Variants in ETNK1 observed in about 807,000 individuals in gnomAD.
ETNK1 encodes ethanolamine kinase 1, also known as putative protein product of Nbla10396.
In ETNK1, 8 loss-of-function variants were observed where a neutral mutation model predicts 45.1. The ratio of observed to expected loss-of-function variants is 0.18; its 90% CI spans 0.10 to 0.32. The LOEUF (loss-of-function observed/expected upper bound fraction) is 0.32. Among genes scored for constraint, ETNK1 ranks in the 10% least tolerant of loss-of-function variants. The probability of loss-of-function intolerance (pLI) is 1.00; values close to 1 mark genes in which losing one functional copy is unlikely to be tolerated. For synonymous variants in ETNK1, 152 were observed against 151.9 expected (o/e 1.00, Z -0.01); for missense variants, 302 against 430.6 (o/e 0.70, Z 2.64).
At chr12:22,630,831 G>C (rs1214643965) in intron 1 of ETNK1, among the ~76,000 whole-genome samples, 1 of 151,790 alleles carries the variant, frequency 6.6e-6, no homozygotes, top group Non-Finnish European at 1.5e-5. Flanking sequence ...GGCTGGTCTC[G>C]AATGCCTGAC....
rs1475651086 is a variant in ETNK1 at position 22,686,354 on chromosome 12, G to A, written c.*1400G>A. On this transcript the variant is annotated 3_prime_UTR_variant, in exon 8 of 8. Transcript: ENST00000266517. ...ATTAGTCTGACAAGCTTTGCACTTCGGTCACATAAGTGCCCATGTACAAAG... is the reference window on the plus strand; with the variant it reads ...ATTAGTCTGACAAGCTTTGCACTTCAGTCACATAAGTGCCCATGTACAAAG... The A allele has an allele frequency of 1.3e-5, 2 of 152,164 alleles. No individual in the cohort carries two copies. Among genetic ancestry groups the A allele is most frequent in the African/African-American group, 2.4e-5 (1 of 41,396 alleles). 9.4% of individuals were successfully genotyped at this position (152,164 alleles called of 1,614,324 possible).
At chr12:22,644,044 T>C in intron 2 of ETNK1, 22 bp downstream of exon 2, 11 of 1,444,634 alleles carry the variant, frequency 7.6e-6, no homozygotes, top group Non-Finnish European at 1.0e-5. Flanking sequence ...TTTCTGAATT[T>C]TTCCTTTTGA....
At chr12:22,632,702 T>A (rs1269405440) in intron 1 of ETNK1, among the ~76,000 whole-genome samples, 2 of 152,088 alleles carry the variant, frequency 1.3e-5, no homozygotes, top group Non-Finnish European at 2.9e-5. Flanking sequence ...GTGGTCTTGC[T>A]GTGTTACCAG....
At position 22,643,926 on chromosome 12, in the gene ETNK1, C is replaced by T. The variant is rs1278390579; in HGVS notation, c.320C>T (p.Pro107Leu). Residue 107 changes from proline to leucine, a missense_variant, in exon 2 of 8, where the codon CCA (proline) becomes CTA (leucine). Coordinates refer to ENST00000266517, the MANE Select transcript of ETNK1 (RefSeq NM_018638.5). ...FRVLQAHGCA[P>L]QLYCTFNNGL... ...GTGTTGCAGGCTCATGGGTGTGCAC[C>T]ACAACTCTACTGTACCTTCAATAAT... is the stretch of plus-strand genomic sequence containing the variant. The T allele has an allele frequency of 1.9e-6, 3 of 1,613,338 alleles. No individual in the cohort carries two copies. Among genetic ancestry groups the T allele is most frequent in the Admixed American group, 1.7e-5 (1 of 59,968 alleles).
chr12:22,657,416 G>A lies in ETNK1; in HGVS notation c.417-1598G>A, dbSNP rs112670810. ...AAGGAGAAAGAATTTATTGGTACTT[G>A]TAATTGAGAATACTGAGTTCAAACA... On this transcript the variant is annotated intron_variant, in intron 2 of 7. Transcript: ENST00000266517. Among the ~76,000 whole-genome samples the A allele has an allele frequency of 2.6e-3, 392 of 152,210 alleles. 2 individuals are homozygous for A. Among genetic ancestry groups the A allele is most frequent in the African/African-American group, 9.1e-3 (377 of 41,556 alleles).
At chr12:22,630,785 A>AT (rs1303900360) in intron 1 of ETNK1, among the ~76,000 whole-genome samples, 1 of 151,468 alleles carries the variant, frequency 6.6e-6, no homozygotes, top group Admixed American at 6.6e-5. Context: ...TAATTTTTGT[A>AT]TTTTTAGTAG....
chr12:22,689,926 A>G lies in ETNK1; in HGVS notation c.*4972A>G, dbSNP rs1277807087. ...CTGTACTGTATTTAGGAGCCTTTGT[A>G]CAGCTTGGTCAAATTTCCATGATAT... On this transcript the variant is annotated 3_prime_UTR_variant, in exon 8 of 8. Transcript: ENST00000266517. 1 of 152,452 alleles carries G rather than the reference A, an allele frequency of 6.6e-6. No individual in the cohort carries two copies. The highest frequency in any genetic ancestry group is 1.5e-5 in the Non-Finnish European group (1 of 67,918). The allele number at this position is 152,452 out of a possible 1,614,324, so 9.4% of individuals were successfully genotyped here. A position where few individuals can be genotyped will look rare whatever the true frequency, so the allele number is the denominator to read the frequency against.
At chr12:22,680,925 G>C (rs1954209735) in intron 6 of ETNK1, among the ~76,000 whole-genome samples, 1 of 127,724 alleles carries the variant, frequency 7.8e-6, no homozygotes, top group Non-Finnish European at 1.7e-5. Context: ...GCACACTGGG[G>C]ATTTATTTTA....
At chr12:22,633,976 A>C (rs1172079589) in intron 1 of ETNK1, among the ~76,000 whole-genome samples, 1 of 152,050 alleles carries the variant, frequency 6.6e-6, no homozygotes, top group East Asian at 1.9e-4. Context: ...GGACCTCTCT[A>C]ACACACTTGA....
At position 22,643,793 on chromosome 12, in the gene ETNK1, A is replaced by C. The variant is rs763463029; in HGVS notation, c.187A>C (p.Ile63Leu). The C allele has an allele frequency of 1.9e-6, 3 of 1,612,736 alleles. No homozygotes were observed. Among genetic ancestry groups the C allele is most frequent in the Non-Finnish European group, 1.7e-6 (2 of 1,179,158 alleles). The change falls in exon 2 of 8, where the codon ATT becomes CTT. Residue 63 changes from isoleucine (I) to leucine (L), a missense_variant. This residue lies in a region of ETNK1 where 205 missense variants were observed against 259.9 expected (regional missense o/e 0.79). Transcript: ENST00000266517. ...CACAGATGGAATCACAAATAAACTTATTGGCTGTTACGTGGGAAACACCAT... is the reference window on the plus strand; with the variant it reads ...CACAGATGGAATCACAAATAAACTTCTTGGCTGTTACGTGGGAAACACCAT... ...LFTDGITNKL[I>L]GCYVGNTMED...
In ETNK1 at chr12:22,625,198, A is replaced by G. The variant is rs770778922; in HGVS notation, c.-233A>G. 4 of 1,609,266 alleles carry G rather than the reference A, an allele frequency of 2.5e-6. No homozygotes were observed. The highest frequency in any genetic ancestry group is 3.4e-6 in the Non-Finnish European group (4 of 1,177,876). ...GGCCGCCCGCGGTCCAGCTCCGACA[A>G]CAGGAATTTTCTCCGAGAGCGGGCC... On this transcript the variant is annotated 5_prime_UTR_variant, in exon 1 of 8. Coordinates refer to ENST00000266517, the MANE Select transcript of ETNK1 (RefSeq NM_018638.5).
chr12:22,665,425 A>G (rs1460252610), intron 4 of ETNK1, among the ~76,000 whole-genome samples: 1 of 152,216 alleles, frequency 6.6e-6, no homozygotes, highest in East Asian at 1.9e-4. Flanking sequence ...TATCTACTTC[A>G]GATGGATGCT....
chr12:22,675,370 A>T, intron 6 of ETNK1, among the ~76,000 whole-genome samples: 1 of 151,658 alleles, frequency 6.6e-6, no homozygotes, highest in Non-Finnish European at 1.5e-5. Flanking sequence ...CTATTTTTTT[A>T]TTAGATACAA....
At chr12:22,642,645 A>G (rs1300625414) in intron 1 of ETNK1, among the ~76,000 whole-genome samples, 1 of 152,004 alleles carries the variant, frequency 6.6e-6, no homozygotes, top group Non-Finnish European at 1.5e-5. Flanking sequence ...TATCAATCTA[A>G]TTGAGATAGA....
chr12:22,686,851 A>ATTTTTT lies in ETNK1; in HGVS notation c.*1920_*1925dup, dbSNP rs3983448. ...AGATAAAGAATGTGTAATACTCTTA[A>ATTTTTT]TTTTTTTTTTTTTTTTTTTTTTTTT... On this transcript the variant is annotated 3_prime_UTR_variant, in exon 8 of 8. Transcript: ENST00000266517. The ATTTTTT allele has an allele frequency of 7.5e-4, 52 of 69,260 alleles. No homozygotes were observed. The highest frequency in any genetic ancestry group is 1.6e-3 in the African/African-American group (28 of 17,094). The allele number at this position is 69,260 out of a possible 1,614,324, so 4.3% of individuals were successfully genotyped here.
chr12:22,642,274 G>T (rs998591206), intron 1 of ETNK1, among the ~76,000 whole-genome samples: 3 of 152,036 alleles, frequency 2.0e-5, no homozygotes, highest in Non-Finnish European at 4.4e-5. Context: ...AACAGCATGT[G>T]TGAATTGATA....
At chr12:22,671,227 C>CTT in intron 4 of ETNK1, 45 bp from the exon 5 acceptor site, 1 of 1,309,736 alleles carries the variant, frequency 7.6e-7, no homozygotes, top group South Asian at 1.2e-5. Context: ...ATTTTCTGAT[C>CTT]TTATATGTGA....
chr12:22,658,295 G>T (rs968036252), intron 2 of ETNK1, among the ~76,000 whole-genome samples: 4 of 152,112 alleles, frequency 2.6e-5, no homozygotes, highest in Non-Finnish European at 5.9e-5. Context: ...CAAAAGAAGC[G>T]TGGGACTCCA....
intron 1 of ETNK1, among the ~76,000 whole-genome samples, chr12:22,639,403 G>A (rs925923370): frequency 6.6e-6 from 1 of 152,056 alleles, no homozygotes; most frequent in East Asian, 1.9e-4. Context: ...CTGGCCGGGC[G>A]CTGTGGCTCA....
Sources: gnomAD v4.1 joint callset for allele counts (sites outside exome capture counted in the v4.1 genomes callset) on GRCh38, gnomAD v4.1.1 for gene constraint, gnomAD v4.1.1 regional missense constraint, MANE v1.5 for transcripts, NCBI Gene and HGNC (gene_info 2026-07-23, HGNC 2026-07-21) for gene names.